ADGRB3: variants seen among roughly 807,000 people sequenced by gnomAD.
The protein encoded by ADGRB3 is adhesion G protein-coupled receptor B3, also known as brain-specific angiogenesis inhibitor 3.
A neutral mutation model predicts 193.4 loss-of-function variants in ADGRB3; 37 were observed. That is an observed-to-expected ratio of 0.19 (90% CI 0.15 to 0.25). The LOEUF is 0.25. Among genes scored for constraint, ADGRB3 ranks in the 10% least tolerant of loss-of-function variants. ADGRB3 has a pLI of 1.00. For synonymous variants in ADGRB3, 690 were observed against 644.2 expected (o/e 1.07, Z -1.08); for missense variants, 1,637 against 1,852.9 (o/e 0.88, Z 2.14).
chr6:68,811,846 A>G (rs1338057044), intron 3 of ADGRB3, among the ~76,000 whole-genome samples: 2 of 152,338 alleles, frequency 1.3e-5, no homozygotes, highest in Non-Finnish European at 2.9e-5. Flanking sequence ...GAGAAGTGTC[A>G]TATGATAGAG....
At chr6:68,909,241 C>T (rs956521387) in intron 3 of ADGRB3, among the ~76,000 whole-genome samples, 1 of 152,074 alleles carries the variant, frequency 6.6e-6, no homozygotes, top group Non-Finnish European at 1.5e-5. Context: ...TTGGTGGACA[C>T]ATAATATATT....
chr6:69,085,869 A>G (rs1772534709), intron 17 of ADGRB3, among the ~76,000 whole-genome samples: 1 of 151,842 alleles, frequency 6.6e-6, no homozygotes, highest in South Asian at 2.1e-4. Flanking sequence ...TAAAGATAAG[A>G]TAAATTTAAA....
intron 8 of ADGRB3, among the ~76,000 whole-genome samples, chr6:68,968,141 A>G (rs1317137947): frequency 6.6e-6 from 1 of 151,984 alleles, no homozygotes; most frequent in East Asian, 1.9e-4. Context: ...AAAATGAAGC[A>G]TTGACTTATT....
intron 3 of ADGRB3, among the ~76,000 whole-genome samples, chr6:68,772,243 G>T (rs1352075541): frequency 6.6e-6 from 1 of 152,098 alleles, no homozygotes; most frequent in African/African-American, 2.4e-5. Flanking sequence ...GTAGGTGATA[G>T]GGATAAAGAA....
At chr6:68,892,033 A>T (rs1213578310) in intron 3 of ADGRB3, among the ~76,000 whole-genome samples, 4 of 152,210 alleles carry the variant, frequency 2.6e-5, no homozygotes, top group Admixed American at 2.6e-4. Flanking sequence ...GTGACTATTG[A>T]GGAACTATAT....
At chr6:68,703,510 G>GTAAAT (rs1424517665) in intron 3 of ADGRB3, among the ~76,000 whole-genome samples, 2 of 151,966 alleles carry the variant, frequency 1.3e-5, no homozygotes, top group Non-Finnish European at 2.9e-5. Flanking sequence ...CACTGATTTT[G>GTAAAT]TAAATTAAAT....
At chr6:69,115,618 GAAAT>G (rs1009636020) in intron 17 of ADGRB3, among the ~76,000 whole-genome samples, 18 of 152,258 alleles carry the variant, frequency 1.2e-4, no homozygotes, top group African/African-American at 2.6e-4. Flanking sequence ...AATAAAGAAA[GAAAT>G]AAATAAAATT....
chr6:68,663,720 T>C (rs889131964), intron 3 of ADGRB3, among the ~76,000 whole-genome samples: 1 of 151,872 alleles, frequency 6.6e-6, no homozygotes, highest in Non-Finnish European at 1.5e-5. Flanking sequence ...TCTACAACTA[T>C]CAATGAGCAA....
intron 13 of ADGRB3, among the ~76,000 whole-genome samples, chr6:69,023,321 AGT>A (rs1261418106): frequency 6.6e-6 from 1 of 152,158 alleles, no homozygotes; most frequent in East Asian, 1.9e-4. Context: ...GCCAAATGTT[AGT>A]GCTTTATTCC....
intron 17 of ADGRB3, among the ~76,000 whole-genome samples, chr6:69,187,757 C>A (rs1765100754): frequency 6.6e-6 from 1 of 152,152 alleles, no homozygotes; most frequent in South Asian, 2.1e-4. Context: ...ATGAAGCCTT[C>A]CCAACTTTTG....
At chr6:69,097,366 A>G (rs1220649588) in intron 17 of ADGRB3, among the ~76,000 whole-genome samples, 4 of 152,186 alleles carry the variant, frequency 2.6e-5, no homozygotes, top group Non-Finnish European at 5.9e-5. Context: ...TAGATCTTGG[A>G]TGAATTAATT....
At chr6:68,708,779 T>A (rs1382977788) in intron 3 of ADGRB3, among the ~76,000 whole-genome samples, 1 of 152,214 alleles carries the variant, frequency 6.6e-6, no homozygotes, top group East Asian at 1.9e-4. Flanking sequence ...TTTAAAATAG[T>A]TTTACTGAAA....
intron 20 of ADGRB3, among the ~76,000 whole-genome samples, chr6:69,303,892 G>C (rs3799084): frequency 0.36 from 54,148 of 151,718 alleles, 10,035 homozygotes; most frequent in Middle Eastern, 0.41. Flanking sequence ...TGTGAAGTAT[G>C]ATTCTTCTCT....
At chr6:68,838,183 G>A (rs1227060893) in intron 3 of ADGRB3, among the ~76,000 whole-genome samples, 2 of 152,072 alleles carry the variant, frequency 1.3e-5, no homozygotes, top group African/African-American at 2.4e-5. Flanking sequence ...TCTCTTAAAA[G>A]AGCTTAATAG....
At chr6:68,713,901 A>T (rs1765448434) in intron 3 of ADGRB3, among the ~76,000 whole-genome samples, 2 of 151,698 alleles carry the variant, frequency 1.3e-5, no homozygotes, top group East Asian at 3.9e-4. Context: ...TTACAGATTT[A>T]TTATCAAATT....
chr6:68,911,948 G>A (rs1387612230), intron 3 of ADGRB3, among the ~76,000 whole-genome samples: 1 of 151,658 alleles, frequency 6.6e-6, no homozygotes, highest in East Asian at 1.9e-4. Flanking sequence ...GTGTTTAAGG[G>A]AAGTGGAAAA....
intron 13 of ADGRB3, among the ~76,000 whole-genome samples, chr6:69,030,130 A>C (rs1469804584): frequency 2.0e-5 from 3 of 152,144 alleles, no homozygotes; most frequent in Non-Finnish European, 4.4e-5. Context: ...GCTGGAGAGG[A>C]TGTGGAGAAA....
intron 17 of ADGRB3, among the ~76,000 whole-genome samples, chr6:69,159,400 T>C (rs1322605258): frequency 2.6e-5 from 4 of 152,116 alleles, no homozygotes; most frequent in Non-Finnish European, 5.9e-5. Context: ...ATTAGTAGAA[T>C]TGATTATATT....
Position 68,909,150 on chromosome 6 carries a change from A to G in ADGRB3, c.758-21409A>G, listed in dbSNP as rs530484997. 1.2e-4 allele frequency among the ~76,000 whole-genome samples: 19 copies of G among 152,304 alleles called. 1 individual carries two copies. In the East Asian group the frequency reaches 3.7e-3, roughly 29 times the overall value. ...CAGGTTCTCAAGAAAACCAAATAAC[A>G]TCTTGTTATATGTGCTTCCTCACAA... On this transcript the variant is annotated intron_variant, in intron 3 of 31. Transcript: ENST00000370598.
Sources: gnomAD v4.1 joint callset for allele counts (sites outside exome capture counted in the v4.1 genomes callset) on GRCh38, gnomAD v4.1.1 for gene constraint, MANE v1.5 for transcripts, NCBI Gene and HGNC (gene_info 2026-07-23, HGNC 2026-07-21) for gene names.